BMP6: variants seen among roughly 807,000 people sequenced by gnomAD.
The protein encoded by BMP6 is bone morphogenetic protein 6.
BMP6 carries 17 observed loss-of-function variants against 54.1 expected under a neutral mutation model. The ratio of observed to expected loss-of-function variants is 0.31; its 90% confidence interval spans 0.22 to 0.47. BMP6 has a LOEUF of 0.47. BMP6 is among the 20% of genes least tolerant of loss of function. BMP6 has a pLI of 1.00. For missense variants in BMP6, 720 were observed against 690.4 expected (o/e 1.04, Z -0.48); for synonymous variants, 328 against 291.2 (o/e 1.13, Z -1.28).
intron 4 of BMP6, among the ~76,000 whole-genome samples, chr6:7,866,427 G>T (rs1286120839): frequency 6.6e-6 from 1 of 152,146 alleles, no homozygotes; most frequent in African/African-American, 2.4e-5. Flanking sequence ...TCTCTTTTAT[G>T]GTAGCTCTCA....
Position 7,845,285 on chromosome 6 carries a change from A to G in BMP6, c.810A>G (p.Gln270=). ...GTGTTATGGGGAGTTTTAAAAACCAAACTTTTCTTATCAGCATTTATCAAG... is the reference window on the plus strand; with the variant it reads ...GTGTTATGGGGAGTTTTAAAAACCAGACTTTTCTTATCAGCATTTATCAAG... ...KDCVMGSFKN[Q]TFLISIYQVL... is the part of the protein sequence containing the mutation. Residue 270 remains glutamine (Q), a synonymous_variant, in exon 2 of 7, where the codon CAA becomes CAG. Transcript: ENST00000283147. The G allele has an allele frequency of 6.2e-7, 1 of 1,613,984 alleles. No homozygotes were observed. The highest frequency in any genetic ancestry group is 2.2e-5 in the East Asian group (1 of 44,888).
intron 1 of BMP6, among the ~76,000 whole-genome samples, chr6:7,774,259 A>G (rs1757830521): frequency 6.6e-6 from 1 of 152,176 alleles, no homozygotes; most frequent in South Asian, 2.1e-4. Context: ...CACCCAAGAA[A>G]GCATAGCAGG....
intron 1 of BMP6, among the ~76,000 whole-genome samples, chr6:7,822,639 G>A (rs1016876461): frequency 1.3e-5 from 2 of 151,980 alleles, no homozygotes; most frequent in Non-Finnish European, 2.9e-5. Context: ...CTCTTCTTAT[G>A]GTGCTATCGA....
At chr6:7,730,261 A>G (rs528732146) in intron 1 of BMP6, among the ~76,000 whole-genome samples, 2 of 152,312 alleles carry the variant, frequency 1.3e-5, no homozygotes, top group South Asian at 4.1e-4. Context: ...ATGGTTTAAC[A>G]TAGTATCTCC....
intron 1 of BMP6, among the ~76,000 whole-genome samples, chr6:7,752,435 G>C (rs950319759): frequency 6.6e-6 from 1 of 152,024 alleles, no homozygotes; most frequent in East Asian, 1.9e-4. Flanking sequence ...AACTAAGAAA[G>C]TCTATCTAAT....
At chr6:7,765,785 GCCGTGTT>G (rs1396478259) in intron 1 of BMP6, among the ~76,000 whole-genome samples, 2 of 152,254 alleles carry the variant, frequency 1.3e-5, no homozygotes, top group Non-Finnish European at 2.9e-5. Flanking sequence ...TGCCGGCAGG[GCCGTGTT>G]CCTTCTGGAG....
At chr6:7,804,227 C>T (rs531835131) in intron 1 of BMP6, among the ~76,000 whole-genome samples, 3 of 152,180 alleles carry the variant, frequency 2.0e-5, no homozygotes, top group African/African-American at 7.2e-5. Flanking sequence ...GATTATCCCA[C>T]ACTGTAAATT....
intron 1 of BMP6, among the ~76,000 whole-genome samples, chr6:7,733,234 A>G (rs1761899479): frequency 6.6e-6 from 1 of 152,218 alleles, no homozygotes; most frequent in African/African-American, 2.4e-5. Flanking sequence ...ACTTAGCACA[A>G]CGTCGTTACA....
intron 1 of BMP6, among the ~76,000 whole-genome samples, chr6:7,808,523 A>G (rs911265280): frequency 1.4e-4 from 21 of 152,226 alleles, no homozygotes; most frequent in African/African-American, 4.1e-4. Flanking sequence ...ATTTATTCTT[A>G]GGACATGGGA....
At position 7,822,364 on chromosome 6, in the gene BMP6, C is replaced by T. The variant is rs551090715; in HGVS notation, c.665-22776C>T. 1.7e-4 allele frequency among the ~76,000 whole-genome samples: 26 copies of T among 152,314 alleles called. No homozygotes were observed. The South Asian group carries it at 5.2e-3, about 30-fold the overall frequency. On this transcript the variant is annotated intron_variant, in intron 1 of 6. Coordinates refer to ENST00000283147, the MANE Select transcript of BMP6 (RefSeq NM_001718.6). ...AGCATTTGAAATGGGACGTGGTCTG[C>T]AGAGACGGGGTGCATTTCTTTTCTC...
chr6:7,879,848 C>T (rs567656454), intron 5 of BMP6, 143 bp from the exon 6 acceptor site: 1 of 858,598 alleles, frequency 1.2e-6, no homozygotes, highest in African/African-American at 1.7e-5. Flanking sequence ...TGAATGTGAA[C>T]TTGGACAAAT....
At chr6:7,841,065 T>C (rs1758961363) in intron 1 of BMP6, among the ~76,000 whole-genome samples, 1 of 152,246 alleles carries the variant, frequency 6.6e-6, no homozygotes, top group South Asian at 2.1e-4. Flanking sequence ...CTAACATTGA[T>C]TGGGTATTGA....
intron 1 of BMP6, among the ~76,000 whole-genome samples, chr6:7,785,306 AGT>A (rs1277431662): frequency 6.6e-6 from 1 of 152,172 alleles, no homozygotes; most frequent in Non-Finnish European, 1.5e-5. Flanking sequence ...TATAGCTGGG[AGT>A]GTGGTGGCTA....
intron 2 of BMP6, among the ~76,000 whole-genome samples, chr6:7,850,702 G>A (rs267197): frequency 0.39 from 59,735 of 152,002 alleles, 12,361 homozygotes; most frequent in East Asian, 0.71. Context: ...AGATTTGCAC[G>A]TTTGAGTCAT....
At position 7,810,846 on chromosome 6, in the gene BMP6, G is replaced by T. The variant is rs1172337228; in HGVS notation, c.665-34294G>T. 4.6e-5 allele frequency among the ~76,000 whole-genome samples: 7 copies of T among 152,266 alleles called. No homozygotes were observed. The East Asian group carries it at 1.4e-3, about 29-fold the overall frequency. On this transcript the variant is annotated intron_variant, in intron 1 of 6. Transcript: ENST00000283147. ...CTACCTAGGCCAACACTGATTCTTGGCGATGGGGTCTCTGAGAGGAAACAT... is the reference window on the plus strand; with the variant it reads ...CTACCTAGGCCAACACTGATTCTTGTCGATGGGGTCTCTGAGAGGAAACAT...
At chr6:7,856,842 C>T (rs74461936) in intron 2 of BMP6, among the ~76,000 whole-genome samples, 24,338 of 151,486 alleles carry the variant, frequency 0.16, 2,509 homozygotes, top group South Asian at 0.3. Flanking sequence ...GTGATCCGCC[C>T]GCCTCGGCCT....
At chr6:7,792,252 C>T (rs1758120036) in intron 1 of BMP6, among the ~76,000 whole-genome samples, 1 of 152,150 alleles carries the variant, frequency 6.6e-6, no homozygotes, top group African/African-American at 2.4e-5. Context: ...CAAGGGTGGT[C>T]TCCTTTGCTT....
chr6:7,862,845 G>T (rs904635992), intron 4 of BMP6, among the ~76,000 whole-genome samples: 2 of 152,104 alleles, frequency 1.3e-5, no homozygotes, highest in Admixed American at 6.5e-5. Flanking sequence ...GCGTTATGCT[G>T]GGGGGTTATG....
chr6:7,748,851 CCAT>C (rs1757382538), intron 1 of BMP6, among the ~76,000 whole-genome samples: 1 of 152,224 alleles, frequency 6.6e-6, no homozygotes, highest in Admixed American at 6.5e-5. Flanking sequence ...CACCATACCC[CCAT>C]CTCTAGGATT....
Sources: gnomAD v4.1 joint callset for allele counts (sites outside exome capture counted in the v4.1 genomes callset) on GRCh38, gnomAD v4.1.1 for gene constraint, MANE v1.5 for transcripts, NCBI Gene and HGNC (gene_info 2026-07-23, HGNC 2026-07-21) for gene names.